The following HDAC9 variants were observed in gnomAD, a reference collection of about 807,000 sequenced individuals.
HDAC9 encodes the protein histone deacetylase 9, also known as MEF-2 interacting transcription repressor (MITR) protein.
Under a neutral mutation model 139.4 loss-of-function variants are expected in HDAC9, and 41 were observed. That is an observed-to-expected ratio of 0.29 (90% CI 0.23 to 0.38). The LOEUF (loss-of-function observed/expected upper bound fraction) is 0.38. Ranked by LOEUF, HDAC9 falls within the 10% of genes least tolerant of loss-of-function variation. HDAC9 has a pLI of 1.00. For synonymous variants in HDAC9, 517 were observed against 476.2 expected, an observed-to-expected ratio of 1.09 and a Z score of -1.12; for missense variants, 1,147 against 1,297.0, an observed-to-expected ratio of 0.88 and a Z score of 1.78.
chr7:18,347,956 A>G (rs1782553754), intron 1 of HDAC9, among the ~76,000 whole-genome samples: 1 of 152,182 alleles, frequency 6.6e-6, no homozygotes, highest in African/African-American at 2.4e-5. Flanking sequence ...TGAAATAGAT[A>G]AAGGGTTGAC....
At chr7:18,164,715 T>C (rs1200469990) in intron 2 of HDAC9, among the ~76,000 whole-genome samples, 1 of 152,248 alleles carries the variant, frequency 6.6e-6, no homozygotes, top group Non-Finnish European at 1.5e-5. Flanking sequence ...GCCGTCTTAA[T>C]CATGCATTCA....
chr7:18,790,158 A>G (rs1041461140), intron 16 of HDAC9, among the ~76,000 whole-genome samples: 3 of 152,156 alleles, frequency 2.0e-5, no homozygotes, highest in African/African-American at 7.2e-5. Flanking sequence ...CCTGAACCCC[A>G]TTTGGATCAT....
chr7:18,819,939 AGC>A (rs1465272616), intron 17 of HDAC9, among the ~76,000 whole-genome samples: 2,855 of 152,298 alleles, frequency 0.019, 97 homozygotes, highest in African/African-American at 0.065. Context: ...TAAAATATAA[AGC>A]AAAGAGTTTT....
chr7:18,820,736 G>A (rs1419710690), intron 17 of HDAC9, among the ~76,000 whole-genome samples: 1 of 152,116 alleles, frequency 6.6e-6, no homozygotes, highest in Non-Finnish European at 1.5e-5. Flanking sequence ...AAAATGGTGA[G>A]CAAAAAGTAG....
intron 2 of HDAC9, among the ~76,000 whole-genome samples, chr7:18,179,663 A>T (rs914741338): frequency 3.9e-5 from 6 of 152,210 alleles, no homozygotes; most frequent in Admixed American, 3.3e-4. Flanking sequence ...CTGTTTATCT[A>T]TTAATGAGAA....
At chr7:18,372,523 GGCTT>G (rs776984983) in intron 1 of HDAC9, among the ~76,000 whole-genome samples, 4 of 152,144 alleles carry the variant, frequency 2.6e-5, no homozygotes, top group Non-Finnish European at 5.9e-5. Flanking sequence ...TAAAGGCTTT[GGCTT>G]GCTTAGTATA....
intron 2 of HDAC9, among the ~76,000 whole-genome samples, chr7:18,260,323 G>GTTTT (rs368857394): frequency 1.7e-5 from 2 of 115,642 alleles, no homozygotes; most frequent in East Asian, 2.6e-4. Flanking sequence ...TTTTTTTTTT[G>GTTTT]TTTTTTTTTT....
At chr7:18,794,142 G>T (rs374752461) in intron 17 of HDAC9, among the ~76,000 whole-genome samples, 1 of 152,174 alleles carries the variant, frequency 6.6e-6, no homozygotes. Context: ...CGCCATGTGC[G>T]TCTTGAATGC....
chr7:18,402,194 T>C (rs1787608911), intron 1 of HDAC9, among the ~76,000 whole-genome samples: 2 of 152,202 alleles, frequency 1.3e-5, no homozygotes, highest in African/African-American at 4.8e-5. Context: ...CTCAAGGATC[T>C]TGTAGTCTAA....
chr7:18,709,256 C>T (rs1784169787), intron 12 of HDAC9, among the ~76,000 whole-genome samples: 1 of 152,028 alleles, frequency 6.6e-6, no homozygotes, highest in East Asian at 1.9e-4. Flanking sequence ...TCCATGTGTT[C>T]TCATTGTTCA....
chr7:18,132,433 T>G (rs1161971126), intron 1 of HDAC9, among the ~76,000 whole-genome samples: 1 of 152,096 alleles, frequency 6.6e-6, no homozygotes, highest in African/African-American at 2.4e-5. Flanking sequence ...AGACAGGGCC[T>G]TTGTCTCACT....
chr7:18,700,599 C>T (rs1027880051), intron 12 of HDAC9, among the ~76,000 whole-genome samples: 4 of 152,208 alleles, frequency 2.6e-5, no homozygotes, highest in Non-Finnish European at 5.9e-5. Context: ...CAGCCCAAAA[C>T]ATAATGAAAA....
intron 19 of HDAC9, among the ~76,000 whole-genome samples, chr7:18,830,012 T>C (rs1241880808): frequency 6.6e-6 from 1 of 152,154 alleles, no homozygotes; most frequent in Non-Finnish European, 1.5e-5. Flanking sequence ...ACTGAAAAGA[T>C]CTCCAATCTC....
At chr7:18,721,796 A>T (rs1785166396) in intron 12 of HDAC9, among the ~76,000 whole-genome samples, 1 of 152,206 alleles carries the variant, frequency 6.6e-6, no homozygotes, top group Non-Finnish European at 1.5e-5. Context: ...GGAACCATGT[A>T]ATTTCCTTAA....
intron 2 of HDAC9, among the ~76,000 whole-genome samples, chr7:18,163,751 T>G (rs1345309100): frequency 6.6e-6 from 1 of 152,214 alleles, no homozygotes; most frequent in Non-Finnish European, 1.5e-5. Flanking sequence ...AGGTGTATAT[T>G]GCATTTTAAA....
At chr7:18,708,904 C>T (rs1369496021) in intron 12 of HDAC9, among the ~76,000 whole-genome samples, 1 of 150,424 alleles carries the variant, frequency 6.6e-6, no homozygotes, top group East Asian at 2.0e-4. Flanking sequence ...ATTCTTTCTC[C>T]TCTCTCCACA....
intron 2 of HDAC9, among the ~76,000 whole-genome samples, chr7:18,517,475 C>A (rs1255178272): frequency 6.6e-6 from 1 of 152,122 alleles, no homozygotes; most frequent in Non-Finnish European, 1.5e-5. Context: ...TGCATTATTT[C>A]CTCCCCTCCA....
At chr7:18,772,814 T>C (rs1790430674) in intron 16 of HDAC9, among the ~76,000 whole-genome samples, 1 of 152,122 alleles carries the variant, frequency 6.6e-6, no homozygotes, top group East Asian at 1.9e-4. Flanking sequence ...AGTTTCATGC[T>C]GCAAATTCTG....
intron 19 of HDAC9, among the ~76,000 whole-genome samples, chr7:18,834,657 C>A (rs1796102074): frequency 2.0e-5 from 3 of 152,190 alleles, no homozygotes; most frequent in Non-Finnish European, 2.9e-5. Context: ...GCATAAAACC[C>A]CATGCCATCT....
Sources: allele counts gnomAD v4.1 joint callset (sites outside exome capture counted in the v4.1 genomes callset), GRCh38; gene constraint gnomAD v4.1.1; transcripts MANE v1.5; gene names NCBI Gene and HGNC (gene_info 2026-07-23, HGNC 2026-07-21).